Variants in ETS1 observed in about 807,000 individuals in gnomAD.
The protein encoded by ETS1 is ETS proto-oncogene 1, transcription factor, also known as protein C-ets-1.
A neutral mutation model predicts 58.6 loss-of-function variants in ETS1; 15 were observed. The ratio of observed to expected loss-of-function variants is 0.26; its 90% CI spans 0.17 to 0.39. The LOEUF (loss-of-function observed/expected upper bound fraction) is 0.39, where lower values mean the gene tolerates loss of function less well. Ranked by LOEUF, ETS1 falls within the 10% of genes least tolerant of loss-of-function variation. The probability of loss-of-function intolerance (pLI) is 1.00; values close to 1 mark genes in which losing one functional copy is unlikely to be tolerated. For synonymous variants in ETS1, 214 were observed against 218.2 expected (o/e 0.98, Z 0.17); for missense variants, 417 against 610.5 (o/e 0.68, Z 3.34).
At chr11:128,559,818 G>A (rs1864376085) in intron 2 of ETS1, among the ~76,000 whole-genome samples, 1 of 152,180 alleles carries the variant, frequency 6.6e-6, no homozygotes, top group South Asian at 2.1e-4. Flanking sequence ...AAAAAAGCAG[G>A]TTATTAACAG....
chr11:128,524,961 C>T (rs1344301449), intron 3 of ETS1, among the ~76,000 whole-genome samples: 2 of 152,018 alleles, frequency 1.3e-5, no homozygotes. Context: ...ACAACAGCAG[C>T]CAAGCGTTGC....
At chr11:128,550,664 G>A (rs1388090583) in intron 3 of ETS1, among the ~76,000 whole-genome samples, 1 of 152,114 alleles carries the variant, frequency 6.6e-6, no homozygotes, top group East Asian at 1.9e-4. Flanking sequence ...CCCAACCTCG[G>A]CCTTCTGTGA....
intron 8 of ETS1, among the ~76,000 whole-genome samples, chr11:128,465,257 G>A (rs1398612620): frequency 6.6e-6 from 1 of 152,186 alleles, no homozygotes; most frequent in Non-Finnish European, 1.5e-5. Context: ...TATCTTGCAA[G>A]AAATACCTTA....
In ETS1 at chr11:128,549,333, A is replaced by G. The variant is rs1414248628; in HGVS notation, c.214+6958T>C. 3.3e-5 allele frequency among the ~76,000 whole-genome samples: 5 copies of G among 150,390 alleles called. No individual in the cohort carries two copies. The highest frequency in any genetic ancestry group is 2.6e-4 in the Admixed American group (4 of 15,168). ...TCCCACCTCATCGGCCCACCCGAAGATGTCCATTCACCCAGTGCCGCGGCC... is the reference window on the plus strand; with the variant it reads ...TCCCACCTCATCGGCCCACCCGAAGGTGTCCATTCACCCAGTGCCGCGGCC... On this transcript the variant is annotated intron_variant, in intron 3 of 9. Coordinates refer to ENST00000392668, the MANE Select transcript of ETS1 (RefSeq NM_001143820.2). This position sits in a 1 kb window ranked among gnomAD's most constrained non-coding sequence, Gnocchi z 4.3.
At chr11:128,516,004 T>C (rs1863513900) in intron 3 of ETS1, among the ~76,000 whole-genome samples, 1 of 152,196 alleles carries the variant, frequency 6.6e-6, no homozygotes, top group Admixed American at 6.5e-5. Flanking sequence ...TAGCAATATT[T>C]TGAGCGTGTC....
At chr11:128,545,342 G>A (rs1287876689) in intron 3 of ETS1, among the ~76,000 whole-genome samples, 5 of 152,204 alleles carry the variant, frequency 3.3e-5, no homozygotes, top group Non-Finnish European at 7.3e-5. Flanking sequence ...TCACAGCAAT[G>A]AAGATGTGAA....
At position 128,464,355 on chromosome 11, in the gene ETS1, G is replaced by GAC. The variant is rs58228263; in HGVS notation, c.1124-730_1124-729dup. ...CATAGGTTCAGTATATTCTAAATTA[G>GAC]ACACACACACACACACACACACACA... On this transcript the variant is annotated intron_variant, in intron 8 of 9. Coordinates refer to ENST00000392668, the MANE Select transcript of ETS1 (RefSeq NM_001143820.2). This position sits in a 1 kb window ranked among gnomAD's most constrained non-coding sequence, Gnocchi z 4.1. Among the ~76,000 whole-genome samples, 16,305 of 144,772 alleles carry GAC rather than the reference G, an allele frequency of 0.11. 1,357 individuals are homozygous for GAC. Among genetic ancestry groups the GAC allele is most frequent in the East Asian group, 0.51 (2,483 of 4,860 alleles). 95.0% of individuals were successfully genotyped at this position (144,772 alleles called of 152,430 possible).
At chr11:128,564,373 C>T (rs774631039) in intron 2 of ETS1, among the ~76,000 whole-genome samples, 3 of 152,198 alleles carry the variant, frequency 2.0e-5, no homozygotes, top group Non-Finnish European at 4.4e-5. Context: ...GCAGGCCTGA[C>T]ACGCTGCAGG....
At chr11:128,541,903 C>T (rs1284263306) in intron 3 of ETS1, among the ~76,000 whole-genome samples, 1 of 152,134 alleles carries the variant, frequency 6.6e-6, no homozygotes, top group African/African-American at 2.4e-5. Context: ...GGGGTCTCAA[C>T]ACAGGTATTG....
chr11:128,528,379 G>A (rs1863838742), intron 3 of ETS1, among the ~76,000 whole-genome samples: 2 of 152,268 alleles, frequency 1.3e-5, no homozygotes, highest in Admixed American at 1.3e-4. Flanking sequence ...AATCTAGGCA[G>A]AATATAGAGT....
At chr11:128,572,852 C>T (rs934119625) in intron 2 of ETS1, among the ~76,000 whole-genome samples, 9 of 152,192 alleles carry the variant, frequency 5.9e-5, no homozygotes, top group African/African-American at 2.2e-4. Context: ...ACTTCTTCAG[C>T]AAATCCATCA....
Position 128,522,416 on chromosome 11 carries a change from G to C in ETS1, c.215-31840C>G. Reference sequence around the variant, plus strand: ...GCTGGGTCCGCGCGCCCTGGGCCGGGCGATGTCCGCTTGGGGGAGCGAGGG... The same window carrying C: ...GCTGGGTCCGCGCGCCCTGGGCCGGCCGATGTCCGCTTGGGGGAGCGAGGG... On this transcript the variant is annotated intron_variant, in intron 3 of 9. Transcript: ENST00000392668. The C allele has an allele frequency of 3.3e-6, 3 of 922,908 alleles. No individual in the cohort carries two copies. The South Asian group carries it at 1.5e-4, about 46-fold the overall frequency. The allele number at this position is 922,908 out of a possible 1,614,324, so 57.2% of individuals were successfully genotyped here.
chr11:128,573,682 T>C (rs1341449753), intron 1 of ETS1, among the ~76,000 whole-genome samples: 1 of 152,154 alleles, frequency 6.6e-6, no homozygotes, highest in Non-Finnish European at 1.5e-5. Context: ...ATTATTGATC[T>C]TGAAAAAAGG....
At chr11:128,569,421 G>C (rs1258253726) in intron 2 of ETS1, among the ~76,000 whole-genome samples, 2 of 139,626 alleles carry the variant, frequency 1.4e-5, no homozygotes, top group Non-Finnish European at 3.0e-5. Flanking sequence ...ACCACGGGTT[G>C]AGCTCTGGAC....
intron 3 of ETS1, chr11:128,526,489 T>C (rs1863803888): frequency 5.5e-6 from 1 of 181,438 alleles, no homozygotes; most frequent in African/African-American, 2.4e-5. Context: ...AGATCTAGTA[T>C]ACGGTAGAAT....
intron 1 of ETS1, among the ~76,000 whole-genome samples, chr11:128,585,929 CT>C (rs1391117474): frequency 7.9e-5 from 12 of 152,226 alleles, no homozygotes; most frequent in Non-Finnish European, 1.6e-4. Flanking sequence ...GGACCGGCCA[CT>C]GGCCCAAGTC....
At chr11:128,562,428 A>T (rs958362870) in intron 2 of ETS1, among the ~76,000 whole-genome samples, 4 of 152,096 alleles carry the variant, frequency 2.6e-5, no homozygotes, top group African/African-American at 9.7e-5. Context: ...AAAAGAAAAT[A>T]AAAGAGTGGT....
chr11:128,525,145 G>T (rs770846690), intron 3 of ETS1, among the ~76,000 whole-genome samples: 2 of 151,994 alleles, frequency 1.3e-5, no homozygotes, highest in East Asian at 3.9e-4. Flanking sequence ...CTTAGACTTC[G>T]GCTAATTATA....
At chr11:128,560,333 G>A (rs1389790602) in intron 2 of ETS1, among the ~76,000 whole-genome samples, 3 of 152,100 alleles carry the variant, frequency 2.0e-5, no homozygotes, top group African/African-American at 2.4e-5. Flanking sequence ...GGCTGGTCTC[G>A]AATTCCTGCC....
Sources: allele counts gnomAD v4.1 joint callset (sites outside exome capture counted in the v4.1 genomes callset), GRCh38; gene constraint gnomAD v4.1.1; non-coding constraint Gnocchi (gnomAD v3.1); transcripts MANE v1.5; gene names NCBI Gene and HGNC (gene_info 2026-07-23, HGNC 2026-07-21).